Variants in IGDCC3 observed in about 807,000 individuals in gnomAD.
The protein encoded by IGDCC3 is putative neuronal cell adhesion molecule.
Under a neutral mutation model 72.0 loss-of-function variants are expected in IGDCC3, and 47 were observed. That is an observed-to-expected ratio of 0.65 (90% CI 0.52 to 0.83). IGDCC3 has a LOEUF of 0.83. Among genes scored for constraint, IGDCC3 ranks in the 40% least tolerant of loss-of-function variants. The pLI, the probability that IGDCC3 is intolerant of heterozygous loss-of-function variation, is 0.00. For missense variants in IGDCC3, 1,038 were observed against 1,091.3 expected, an observed-to-expected ratio of 0.95 and a Z score of 0.69; for synonymous variants, 477 against 472.8, an observed-to-expected ratio of 1.01 and a Z score of -0.11.
intron 2 of IGDCC3, among the ~76,000 whole-genome samples, chr15:65,351,795 C>A (rs956637723): frequency 2.3e-4 from 35 of 152,202 alleles, no homozygotes; most frequent in East Asian, 1.3e-3. Context: ...TTTAATATAA[C>A]TTAGTGTATG....
chr15:65,357,143 C>A (rs889383740), intron 2 of IGDCC3, among the ~76,000 whole-genome samples: 1 of 151,882 alleles, frequency 6.6e-6, no homozygotes, highest in Non-Finnish European at 1.5e-5. Flanking sequence ...TGAGCCACCA[C>A]ACCCGGCCTG....
In IGDCC3 at chr15:65,339,868, C is replaced by A. The variant is rs1012704545; in HGVS notation, c.410-3912G>T. On this transcript the variant is annotated intron_variant, in intron 2 of 13. Coordinates refer to ENST00000327987, the MANE Select transcript of IGDCC3 (RefSeq NM_004884.4). This position sits in a 1 kb window ranked among gnomAD's most constrained non-coding sequence, Gnocchi z 4.1. ...CTGGTAGGGACAGTTTTGGGTCCCT[C>A]ACTTCAAGTTGGGTGATGGGAAGGG... 1.3e-5 allele frequency among the ~76,000 whole-genome samples: 2 copies of A among 152,158 alleles called. No individual in the cohort carries two copies. Among genetic ancestry groups the A allele is most frequent in the African/African-American group, 4.8e-5 (2 of 41,410 alleles).
chr15:65,358,202 C>T (rs2140162308), intron 2 of IGDCC3, among the ~76,000 whole-genome samples: 1 of 151,574 alleles, frequency 6.6e-6, no homozygotes, highest in African/African-American at 2.4e-5. Context: ...ACCTCTCAGG[C>T]TCAAGCGATC....
At chr15:65,354,941 T>C (rs143089324) in intron 2 of IGDCC3, among the ~76,000 whole-genome samples, 82 of 152,334 alleles carry the variant, frequency 5.4e-4, no homozygotes, top group Non-Finnish European at 1.0e-3. Context: ...TTCGGATTCA[T>C]TGGTCTGGTG....
intron 2 of IGDCC3, among the ~76,000 whole-genome samples, chr15:65,353,705 C>G (rs1249677141): frequency 6.6e-6 from 1 of 152,218 alleles, no homozygotes; most frequent in Non-Finnish European, 1.5e-5. Context: ...GACCTCTGGT[C>G]ATCCTCACTA....
intron 2 of IGDCC3, among the ~76,000 whole-genome samples, chr15:65,344,049 G>A (rs1454105272): frequency 1.3e-5 from 2 of 152,200 alleles, no homozygotes; most frequent in Non-Finnish European, 2.9e-5. Flanking sequence ...ATCATCTGGG[G>A]TGGGGGAAGC....
In IGDCC3 at chr15:65,331,964, G is replaced by T; in HGVS notation, c.1125C>A (p.His375Gln). Residue 375 changes from histidine to glutamine, a missense_variant, in exon 7 of 14, where the codon CAC becomes CAA. Transcript: ENST00000327987. ...ACCTGTTGTTATTCTTGAGCCTGACGTGGCCTCCTGGCCCCAGCACCTGTC... is the reference window on the plus strand; with the variant it reads ...ACCTGTTGTTATTCTTGAGCCTGACTTGGCCTCCTGGCCCCAGCACCTGTC... ...KNGQVLGPGG[H>Q]VRLKNNNSTL... is the part of the protein sequence containing the mutation. 1.2e-6 allele frequency: 2 copies of T among 1,613,940 alleles called. No individual in the cohort carries two copies. The highest frequency in any genetic ancestry group is 1.7e-6 in the Non-Finnish European group (2 of 1,180,008).
chr15:65,376,920 G>A (rs2091362443), intron 1 of IGDCC3, among the ~76,000 whole-genome samples: 1 of 152,158 alleles, frequency 6.6e-6, no homozygotes, highest in Non-Finnish European at 1.5e-5. Flanking sequence ...AAAGGGAACA[G>A]AGTGGTGGTG....
intron 2 of IGDCC3, among the ~76,000 whole-genome samples, chr15:65,357,400 C>T (rs1181238167): frequency 3.3e-5 from 5 of 152,218 alleles, no homozygotes; most frequent in African/African-American, 1.2e-4. Context: ...TTATTTGACA[C>T]ATATCACAGA....
At chr15:65,370,849 C>G (rs1479963730) in intron 2 of IGDCC3, among the ~76,000 whole-genome samples, 2 of 152,040 alleles carry the variant, frequency 1.3e-5, no homozygotes, top group Non-Finnish European at 2.9e-5. Flanking sequence ...CTCTCAAACT[C>G]CTGACTTCAA....
intron 2 of IGDCC3, among the ~76,000 whole-genome samples, chr15:65,348,939 A>G (rs1046466353): frequency 3.9e-5 from 6 of 152,168 alleles, no homozygotes; most frequent in Non-Finnish European, 8.8e-5. Flanking sequence ...GGTTGCTGGA[A>G]AAGATCCCTG....
At chr15:65,354,573 C>T (rs2091199715) in intron 2 of IGDCC3, among the ~76,000 whole-genome samples, 1 of 152,184 alleles carries the variant, frequency 6.6e-6, no homozygotes, top group African/African-American at 2.4e-5. Flanking sequence ...CCATCGAAGA[C>T]CTATGAGTCC....
Position 65,330,711 on chromosome 15 carries a change from A to C in IGDCC3, c.1592T>G (p.Val531Gly). 2 of 1,611,846 alleles carry C rather than the reference A, an allele frequency of 1.2e-6. No individual in the cohort carries two copies. Among genetic ancestry groups the C allele is most frequent in the Non-Finnish European group, 1.7e-6 (2 of 1,179,000 alleles). Residue 531 changes from valine to glycine, a missense_variant, in exon 10 of 14, where the codon GTC becomes GGC. Physicochemically the swap from Val to Gly is moderately radical, Grantham distance 109. Transcript: ENST00000327987. The part of the protein sequence containing the change: ...APAPPPLSVR[V>G]LGSSSLQLLW... ...CAGCTGCAAGGAGGAGCTGCCCAGG[A>C]CTCGCACTGACAGTGGGGGTGGGGC...
In IGDCC3 at chr15:65,349,169, T is replaced by C. The variant is rs563877735; in HGVS notation, c.410-13213A>G. Among the ~76,000 whole-genome samples the C allele has an allele frequency of 2.6e-5, 4 of 152,366 alleles. No homozygotes were observed. The East Asian group carries it at 5.8e-4, about 22-fold the overall frequency. On this transcript the variant is annotated intron_variant, in intron 2 of 13. Transcript: ENST00000327987. Reference sequence around the variant, plus strand: ...GCCCATCTGGGGGCAAATTTAAGTCTTGACAGTTTGATATTGGGTGCTAAG... The same window carrying C: ...GCCCATCTGGGGGCAAATTTAAGTCCTGACAGTTTGATATTGGGTGCTAAG...
intron 6 of IGDCC3, 65 bp from the exon 7 acceptor site, chr15:65,332,171 G>A: frequency 6.5e-7 from 1 of 1,540,750 alleles, no homozygotes; most frequent in South Asian, 1.2e-5. Context: ...GCATGAGGAA[G>A]GGAACAGGGG....
intron 2 of IGDCC3, among the ~76,000 whole-genome samples, chr15:65,350,622 C>A (rs953383733): frequency 6.6e-6 from 1 of 151,916 alleles, no homozygotes; most frequent in Non-Finnish European, 1.5e-5. Flanking sequence ...CCACCAGGCC[C>A]GGCTAAGTTT....
At chr15:65,366,258 A>G (rs574209699) in intron 2 of IGDCC3, among the ~76,000 whole-genome samples, 1 of 150,840 alleles carries the variant, frequency 6.6e-6, no homozygotes, top group Admixed American at 6.6e-5. Flanking sequence ...ACATGCCTGT[A>G]GTCCCAGCTA....
At chr15:65,362,846 ATTTTTT>A (rs869239198) in intron 2 of IGDCC3, among the ~76,000 whole-genome samples, 7 of 85,732 alleles carry the variant, frequency 8.2e-5, no homozygotes, top group African/African-American at 2.2e-4. Flanking sequence ...AGGTTTGGGG[ATTTTTT>A]TTTTTTTTTT....
In IGDCC3 at chr15:65,329,563, A is replaced by G. The variant is rs756071824; in HGVS notation, c.2032T>C (p.Ser678Pro). ...LLCKDVENQL[S>P]PPQGPRSQRD... ...TGGCTCCGGGGACCCTGTGGAGGGG[A>G]CAGCTGGTTTTCCACATCTTTACAC... The change falls in exon 13 of 14, where the codon TCC (serine) becomes CCC (proline). Residue 678 changes from serine (S) to proline (P), a missense_variant. Transcript: ENST00000327987. This position sits in a 1 kb window ranked among gnomAD's most constrained non-coding sequence, Gnocchi z 4.1. 6.2e-7 allele frequency: 1 copy of G among 1,611,682 alleles called. No individual in the cohort carries two copies. Among genetic ancestry groups the G allele is most frequent in the Non-Finnish European group, 8.5e-7 (1 of 1,179,294 alleles).
Sources: gnomAD v4.1 joint callset for allele counts (sites outside exome capture counted in the v4.1 genomes callset) on GRCh38, gnomAD v4.1.1 for gene constraint, Gnocchi (gnomAD v3.1) non-coding constraint, MANE v1.5 for transcripts, NCBI Gene and HGNC (gene_info 2026-07-23, HGNC 2026-07-21) for gene names.